The following MYL6B variants were observed in gnomAD, a reference collection of about 807,000 sequenced individuals.
The protein encoded by MYL6B is myosin alkali light chain 1 slow a.
In MYL6B, 19 loss-of-function variants were observed where a neutral mutation model predicts 24.5. That is an observed-to-expected ratio of 0.78 (90% CI 0.54 to 1.14). The LOEUF is 1.14. Ranked by LOEUF, MYL6B falls within the 50% of genes most tolerant of loss-of-function variation. The pLI is 0.00. For missense variants in MYL6B, 230 were observed against 263.8 expected (o/e 0.87, Z 0.89); for synonymous variants, 90 against 100.7 (o/e 0.89, Z 0.64).
At chr12:56,156,519 C>A (rs1332801043) in intron 5 of MYL6B, among the ~76,000 whole-genome samples, 4 of 151,770 alleles carry the variant, frequency 2.6e-5, no homozygotes, top group Admixed American at 2.0e-4. Flanking sequence ...GCAGGAGAAT[C>A]GCTTTAACCC....
rs374906306 is a variant in MYL6B, at chr12:56,153,879, G to T, written c.-40G>T. The T allele has an allele frequency of 6.0e-5, 93 of 1,552,688 alleles. No individual in the cohort carries two copies. In the Middle Eastern group the frequency reaches 8.7e-4, roughly 15 times the overall value. ...TCCCTGGCTATTTAAACAGAGATGG[G>T]TGCCCCCATCCGCACACTGTCCTTT... On this transcript the variant is annotated 5_prime_UTR_variant, in exon 2 of 7. Coordinates refer to ENST00000553066, the Ensembl canonical transcript of MYL6B.
intron 1 of MYL6B, 128 bp from the exon 2 acceptor site, chr12:56,153,745 C>G: frequency 1.5e-6 from 1 of 654,912 alleles, no homozygotes; most frequent in East Asian, 2.8e-5. Context: ...AGTCCTGAAC[C>G]ATAGGAGGCC....
chr12:56,154,896 C>A, intron 3 of MYL6B, 56 bp downstream of exon 3: 1 of 1,593,530 alleles, frequency 6.3e-7, no homozygotes, highest in South Asian at 1.1e-5. Flanking sequence ...TGGTCAGATT[C>A]TCTTTCTATT....
chr12:56,153,709 C>A (rs952061314), intron 1 of MYL6B, 164 bp from the exon 2 acceptor site: 8 of 517,562 alleles, frequency 1.5e-5, no homozygotes, highest in Non-Finnish European at 2.6e-5. Context: ...GATAAGGGGA[C>A]AGAGGGAAGA....
chr12:56,154,665 A>G, intron 2 of MYL6B, 148 bp from the exon 3 acceptor site: 1 of 841,092 alleles, frequency 1.2e-6, no homozygotes, highest in South Asian at 1.7e-5. Flanking sequence ...CCCAAGGCCC[A>G]GAGCTGGGAA....
chr12:56,153,849 C>A, intron 1 of MYL6B, 24 bp from the exon 2 acceptor site: 1 of 1,496,174 alleles, frequency 6.7e-7, no homozygotes, highest in East Asian at 2.3e-5. Context: ...CTTGACATCC[C>A]AGACTCCCTG....
chr12:56,157,463 T>C lies in MYL6B; in HGVS notation c.521-5T>C. On this transcript the variant is annotated splice_polypyrimidine_tract_variant and splice_region_variant and intron_variant, in intron 5 of 6. Transcript: ENST00000553066. ...AGGGCCTCAGACGTTGTGTCTGGGA[T>C]TCAGGAGAGAAGATGACTGAGGAGG... is the stretch of plus-strand genomic sequence containing the variant. 1 of 1,613,292 alleles carries C rather than the reference T, an allele frequency of 6.2e-7. No individual in the cohort carries two copies. The highest frequency in any genetic ancestry group is 2.2e-5 in the East Asian group (1 of 44,852).
Position 56,157,656 on chromosome 12 carries a change from A to G in MYL6B, c.599-42A>G, listed in dbSNP as rs201204608. On this transcript the variant is annotated intron_variant, in intron 6 of 6. Transcript: ENST00000553066. The stretch of plus-strand genomic sequence containing the variant: ...TACCTAGAGTCAGATGTATTATCCA[A>G]AGGCCTGCTTCTGAAGCCCCTCTTG... 1.4e-5 allele frequency: 23 copies of G among 1,613,450 alleles called. No homozygotes were observed. The East Asian group carries it at 5.1e-4, about 36-fold the overall frequency.
intron 2 of MYL6B, 110 bp from the exon 3 acceptor site, chr12:56,154,703 C>T (rs1871239507): frequency 3.2e-6 from 4 of 1,269,196 alleles, no homozygotes; most frequent in Admixed American, 2.2e-5. Context: ...GGCTTCCAGC[C>T]TGGTCCCTTT....
chr12:56,157,490 G>A, exon 6 of MYL6B: 10 of 1,614,120 alleles, frequency 6.2e-6, no homozygotes, highest in Non-Finnish European at 8.5e-6. Context: ...CTGAGGAGGA[G>A]GTGGAGACCG....
At position 56,157,938 on chromosome 12, in the gene MYL6B, G is replaced by A. The variant is rs894355772; in HGVS notation, c.*212G>A. On this transcript the variant is annotated 3_prime_UTR_variant, in exon 7 of 7. Coordinates refer to ENST00000553066, the Ensembl canonical transcript of MYL6B. ...GGCGAAAGCACGTTCCAGCCACCAG[G>A]AGGCCACCTATTGTTTCAAAATAAA... 7 of 603,826 alleles carry A rather than the reference G, an allele frequency of 1.2e-5. No individual in the cohort carries two copies. The African/African-American group carries it at 1.3e-4, about 11-fold the overall frequency. 37.4% of individuals were successfully genotyped at this position (603,826 alleles called of 1,614,324 possible).
At chr12:56,157,858 C>A in exon 7 of MYL6B, 1 of 1,169,860 alleles carries the variant, frequency 8.5e-7, no homozygotes, top group Non-Finnish European at 1.2e-6. Flanking sequence ...TCCAGCGCTT[C>A]GCAACTTTGG....
rs141553015 is a variant in MYL6B at position 56,152,994 on chromosome 12, T to C, written c.-47+363T>C. 2.6e-4 allele frequency among the ~76,000 whole-genome samples: 39 copies of C among 152,174 alleles called. No individual in the cohort carries two copies. In the East Asian group the frequency reaches 7.3e-3, roughly 29 times the overall value. ...GTCAGGATTTTTATTATACCCCTGGTTGTGGGGTGAATACTCATGGAGCCA... is the reference window on the plus strand; with the variant it reads ...GTCAGGATTTTTATTATACCCCTGGCTGTGGGGTGAATACTCATGGAGCCA... On this transcript the variant is annotated intron_variant, in intron 1 of 6. Transcript: ENST00000553066.
intron 1 of MYL6B, 54 bp from the exon 2 acceptor site, chr12:56,153,818 TC>T: frequency 3.1e-6 from 4 of 1,277,382 alleles, no homozygotes; most frequent in Non-Finnish European, 4.3e-6. Context: ...GCCAACTGGC[TC>T]CCTGCCCCTG....
At position 56,153,316 on chromosome 12, in the gene MYL6B, G is replaced by T; in HGVS notation, c.-46-557G>T. On this transcript the variant is annotated intron_variant, in intron 1 of 6. Coordinates refer to ENST00000553066, the Ensembl canonical transcript of MYL6B. ...TTCCTTTATACTGTGAATAGTTCCA[G>T]TTCTTGGCTGGGTGGGGGCTCAGGA... 3 of 514,148 alleles carry T rather than the reference G, an allele frequency of 5.8e-6. No homozygotes were observed. In the South Asian group the frequency reaches 2.5e-4, roughly 43 times the overall value. 31.8% of individuals were successfully genotyped at this position (514,148 alleles called of 1,614,324 possible).
intron 1 of MYL6B, 134 bp downstream of exon 1, chr12:56,152,765 C>G (rs1018974330): frequency 6.6e-6 from 1 of 151,872 alleles, no homozygotes; most frequent in Non-Finnish European, 1.5e-5. Context: ...TCATGAGATT[C>G]AGACGCTGTT....
chr12:56,154,796 G>C lies in MYL6B; in HGVS notation c.175-17G>C. The C allele has an allele frequency of 6.2e-7, 1 of 1,611,764 alleles. No individual in the cohort carries two copies. Among genetic ancestry groups the C allele is most frequent in the Non-Finnish European group, 8.5e-7 (1 of 1,178,776 alleles). On this transcript the variant is annotated splice_polypyrimidine_tract_variant and intron_variant, in intron 2 of 6. Coordinates refer to ENST00000553066, the Ensembl canonical transcript of MYL6B. ...AATAAACTCTCATCTCTCCCCACCT[G>C]CTTTTTTCTTCCACAGATCGAGTTT...
At chr12:56,154,183 G>A in intron 2 of MYL6B, 91 bp downstream of exon 2, 1 of 1,296,468 alleles carries the variant, frequency 7.7e-7, no homozygotes. Context: ...AGAAGGTAGG[G>A]AATCAGTGAG....
chr12:56,152,697 TGTGTGTGTGTGTGTC>T (rs1180886003), intron 1 of MYL6B, 66 bp downstream of exon 1: 3 of 151,468 alleles, frequency 2.0e-5, no homozygotes, highest in Non-Finnish European at 4.4e-5. Flanking sequence ...TGAGTGTGTG[TGTGTGTGTGTGTGTC>T]GTGTGTGTGT....
Sources: gnomAD v4.1 joint callset for allele counts (sites outside exome capture counted in the v4.1 genomes callset) on GRCh38, gnomAD v4.1.1 for gene constraint, MANE v1.5 for transcripts, NCBI Gene and HGNC (gene_info 2026-07-23, HGNC 2026-07-21) for gene names.